ADAMTS10: variants seen among roughly 807,000 people sequenced by gnomAD.
ADAMTS10 encodes ADAM metallopeptidase with thrombospondin type 1 motif 10, also known as A disintegrin and metalloproteinase with thrombospondin motifs 10.
In ADAMTS10, 48 loss-of-function variants were observed where a neutral mutation model predicts 135.9. That is an observed-to-expected ratio of 0.35 (90% confidence interval 0.28 to 0.45). ADAMTS10 has a LOEUF of 0.45. Among genes scored for constraint, ADAMTS10 ranks in the 20% least tolerant of loss-of-function variants. The pLI is 1.00. For synonymous variants in ADAMTS10, 621 were observed against 647.5 expected, an observed-to-expected ratio of 0.96 and a Z score of 0.62; for missense variants, 1,131 against 1,565.2, an observed-to-expected ratio of 0.72 and a Z score of 4.68.
Position 8,601,568 on chromosome 19 carries a change from GC to G in ADAMTS10, c.593-424del, listed in dbSNP as rs2042670622. ...ATTGAGACTGCATTTCACCATGTTG[GC>G]CAGGCTGGTCTCGAACTCCTGACCT... On this transcript the variant is annotated intron_variant, in intron 5 of 25. Transcript: ENST00000597188. This position sits in a 1 kb window ranked among gnomAD's most constrained non-coding sequence, Gnocchi z 4.6. Among the ~76,000 whole-genome samples, 1 of 151,836 alleles carries G rather than the reference GC, an allele frequency of 6.6e-6. No homozygotes were observed. Among genetic ancestry groups the G allele is most frequent in the Non-Finnish European group, 1.5e-5 (1 of 67,946 alleles).
In ADAMTS10 at chr19:8,595,667, C is replaced by T. The variant is rs542877031; in HGVS notation, c.1479+95G>A. 34 of 1,535,910 alleles carry T rather than the reference C, an allele frequency of 2.2e-5. No individual in the cohort carries two copies. The South Asian group carries it at 3.4e-4, about 15-fold the overall frequency. Reference sequence around the variant, plus strand: ...CCCCCCTTCCCGGTTCTCCCACCCCCTCACTTCCCAGGTGGGTGCCCTGGT... The same window carrying T: ...CCCCCCTTCCCGGTTCTCCCACCCCTTCACTTCCCAGGTGGGTGCCCTGGT... On this transcript the variant is annotated intron_variant, in intron 12 of 25. Transcript: ENST00000597188.
chr19:8,600,778 G>C, intron 6 of ADAMTS10, 150 bp downstream of exon 6: 1 of 935,802 alleles, frequency 1.1e-6, no homozygotes, highest in Non-Finnish European at 1.6e-6. Flanking sequence ...GATTACAGGT[G>C]TGAGCCACCG....
At position 8,589,719 on chromosome 19, in the gene ADAMTS10, G is replaced by T. The variant is rs191096664; in HGVS notation, c.1901-134C>A. ...GGCAGCTTGGGCAGAGGGAGTGGGG[G>T]CTCCCAGCGTCACGTTGAACCCCCA... On this transcript the variant is annotated intron_variant, in intron 16 of 25. Transcript: ENST00000597188. 8.2e-6 allele frequency: 12 copies of T among 1,468,824 alleles called. No individual in the cohort carries two copies. The African/African-American group carries it at 1.4e-4, about 17-fold the overall frequency. 91.0% of individuals were successfully genotyped at this position (1,468,824 alleles called of 1,614,324 possible). A position where few individuals can be genotyped will look rare whatever the true frequency, so the allele number is the denominator to read the frequency against.
chr19:8,592,257 T>A, intron 13 of ADAMTS10, 154 bp from the exon 14 acceptor site: 4 of 1,436,986 alleles, frequency 2.8e-6, no homozygotes, highest in Non-Finnish European at 3.7e-6. Context: ...TCAGGTTACG[T>A]AGGAGAGTGG....
At chr19:8,581,977 G>A (rs1413821074) in intron 25 of ADAMTS10, among the ~76,000 whole-genome samples, 1 of 152,082 alleles carries the variant, frequency 6.6e-6, no homozygotes, top group Non-Finnish European at 1.5e-5. Context: ...GCTGCAGTGA[G>A]CTATGATGGC....
chr19:8,603,933 G>A, intron 4 of ADAMTS10, 49 bp from the exon 5 acceptor site: 3 of 1,549,486 alleles, frequency 1.9e-6, no homozygotes, highest in Non-Finnish European at 1.7e-6. Context: ...AGGTTCTGGA[G>A]CTTAGGACCC....
At chr19:8,585,385 C>G in intron 23 of ADAMTS10, 71 bp downstream of exon 23, 7 of 1,535,600 alleles carry the variant, frequency 4.6e-6, no homozygotes, top group Non-Finnish European at 6.1e-6. Context: ...AACCTGGAGA[C>G]CGCGCAGAGG....
intron 12 of ADAMTS10, chr19:8,593,590 G>A (rs1390654182): frequency 6.6e-6 from 1 of 152,460 alleles, no homozygotes; most frequent in Non-Finnish European, 1.5e-5. Flanking sequence ...TCTGAATCCT[G>A]GATGGGCTGA....
At chr19:8,586,080 C>T (rs1372563583) in intron 22 of ADAMTS10, 42 bp downstream of exon 22, 1 of 1,611,656 alleles carries the variant, frequency 6.2e-7, no homozygotes, top group Non-Finnish European at 8.5e-7. Flanking sequence ...AGGGAGTACT[C>T]TCCTCTCACC....
chr19:8,606,463 G>A (rs1555742628), intron 2 of ADAMTS10, among the ~76,000 whole-genome samples: 4 of 152,076 alleles, frequency 2.6e-5, no homozygotes, highest in African/African-American at 9.7e-5. Context: ...GTGCAATGGC[G>A]CAATCGCGGC....
intron 25 of ADAMTS10, chr19:8,582,523 G>A (rs2042367186): frequency 1.3e-5 from 2 of 152,272 alleles, no homozygotes; most frequent in Non-Finnish European, 2.9e-5. Flanking sequence ...AGTCCCAGCT[G>A]AGTGGGTGAG....
At position 8,585,472 on chromosome 19, in the gene ADAMTS10, G is replaced by A; in HGVS notation, c.2849C>T (p.Ala950Val). 6.5e-7 allele frequency: 1 copy of A among 1,535,944 alleles called. No homozygotes were observed. The highest frequency in any genetic ancestry group is 8.8e-7 in the Non-Finnish European group (1 of 1,139,648). Reference protein sequence around the residue: ...HGPTCPPEWAALDWSECTPSC... With the variant: ...HGPTCPPEWAVLDWSECTPSC... ...GCGGCTGACCTCAGACCAGTCGAGGGCCGCCCACTCCGGAGGGCAAGTGGG... is the reference window on the plus strand; with the variant it reads ...GCGGCTGACCTCAGACCAGTCGAGGACCGCCCACTCCGGAGGGCAAGTGGG... The change falls in exon 23 of 26, where the codon GCC becomes GTC. Residue 950 changes from alanine (A) to valine (V), a missense_variant. Physicochemically the swap from Ala to Val is moderately conservative, Grantham distance 64 (BLOSUM62 0). This residue lies in a region of ADAMTS10 where 745 missense variants were observed against 1,056.3 expected (regional missense o/e 0.71). Coordinates refer to ENST00000597188, the MANE Select transcript of ADAMTS10 (RefSeq NM_030957.4).
In ADAMTS10 at chr19:8,601,437, C is replaced by A. The variant is rs1468413647; in HGVS notation, c.593-292G>T. ...ACTGCAGTGGTGCGATCTTGGCTCA[C>A]TGAAACCTCTGCCTCCCAGGTTCAA... On this transcript the variant is annotated intron_variant, in intron 5 of 25. Coordinates refer to ENST00000597188, the MANE Select transcript of ADAMTS10 (RefSeq NM_030957.4). This position sits in a 1 kb window ranked among gnomAD's most constrained non-coding sequence, Gnocchi z 4.6. Among the ~76,000 whole-genome samples, 2 of 150,952 alleles carry A rather than the reference C, an allele frequency of 1.3e-5. No individual in the cohort carries two copies. The highest frequency in any genetic ancestry group is 3.9e-4 in the East Asian group (2 of 5,138).
Position 8,585,206 on chromosome 19 carries a change from T to G in ADAMTS10, c.2968A>C (p.Lys990Gln). The stretch of plus-strand genomic sequence containing the variant: ...TTGCAGCGCATGGTGGCCGGTGGCT[T>G]GGCGGCGGGTGAGCAGTGCGCCGGG... ...LPPAHCSPAA[K>Q]PPATMRCNLR... is the part of the protein sequence containing the mutation. The change falls in exon 24 of 26, where the codon AAG becomes CAG. Residue 990 changes from lysine to glutamine, a missense_variant. Lys to Gln is a moderately conservative substitution (Grantham distance 53). Coordinates refer to ENST00000597188, the MANE Select transcript of ADAMTS10 (RefSeq NM_030957.4). The G allele has an allele frequency of 7.0e-7, 1 of 1,419,520 alleles. No homozygotes were observed. Among genetic ancestry groups the G allele is most frequent in the South Asian group, 1.5e-5 (1 of 66,918 alleles). The allele number at this position is 1,419,520 out of a possible 1,614,324, so 87.9% of individuals were successfully genotyped here.
Position 8,605,480 on chromosome 19 carries a change from G to T in ADAMTS10, c.89-122C>A. 1.4e-6 allele frequency: 2 copies of T among 1,464,588 alleles called. No individual in the cohort carries two copies. Among genetic ancestry groups the T allele is most frequent in the Non-Finnish European group, 1.9e-6 (2 of 1,077,954 alleles). 90.7% of individuals were successfully genotyped at this position (1,464,588 alleles called of 1,614,324 possible). A position where few individuals can be genotyped will look rare whatever the true frequency, so the allele number is the denominator to read the frequency against. On this transcript the variant is annotated intron_variant, in intron 3 of 25. Transcript: ENST00000597188. This position sits in a 1 kb window ranked among gnomAD's most constrained non-coding sequence, Gnocchi z 7.7. ...CTGACCCCCGAAATCCAGGGAGTTG[G>T]CTGCAAGGCTCCCGCCTATTGACCC...
Position 8,586,130 on chromosome 19 carries a change from G to A in ADAMTS10, c.2652C>T (p.Cys884=), listed in dbSNP as rs782279191. ...KRQRACNTEP[C]PPDWVVGNWS... is the part of the protein sequence containing the mutation. ...CCCCTGGCGGCACTCACTCTGGAGG[G>A]CAAGGCTCCGTGTTGCAGGCGCGCT... The change falls in exon 22 of 26, where the codon TGC becomes TGT. Residue 884 remains cysteine, a synonymous_variant. Transcript: ENST00000597188. The A allele has an allele frequency of 2.5e-6, 4 of 1,613,022 alleles. No individual in the cohort carries two copies. The highest frequency in any genetic ancestry group is 3.3e-5 in the Admixed American group (2 of 59,998).
Position 8,605,818 on chromosome 19 carries a change from G to A in ADAMTS10, c.-99-9C>T. The A allele has an allele frequency of 6.6e-7, 1 of 1,509,826 alleles. No individual in the cohort carries two copies. The highest frequency in any genetic ancestry group is 1.2e-5 in the South Asian group (1 of 81,650). 93.5% of individuals were successfully genotyped at this position (1,509,826 alleles called of 1,614,324 possible). On this transcript the variant is annotated splice_polypyrimidine_tract_variant and intron_variant, in intron 2 of 25. Transcript: ENST00000597188. The surrounding 1 kb of genome is among the most constrained non-coding windows in gnomAD (Gnocchi z 7.7). ...GCAGCATCACCGGGCTCCTGGGAGG[G>A]GGGAGCCAGGTAAGGGGGCGCCTGG...
At chr19:8,583,079 C>A (rs574109041) in intron 25 of ADAMTS10, among the ~76,000 whole-genome samples, 1 of 152,104 alleles carries the variant, frequency 6.6e-6, no homozygotes, top group Non-Finnish European at 1.5e-5. Flanking sequence ...CCACCTCGCC[C>A]GGCCTGGGTG....
rs533871818 is a variant in ADAMTS10 at position 8,608,615 on chromosome 19, CT to C, written c.-214-368del. Among the ~76,000 whole-genome samples the C allele has an allele frequency of 1.4e-3, 217 of 152,218 alleles. 1 individual carries two copies. Among genetic ancestry groups the C allele is most frequent in the Non-Finnish European group, 2.5e-3 (169 of 67,986 alleles). On this transcript the variant is annotated intron_variant, in intron 1 of 25. Coordinates refer to ENST00000597188, the MANE Select transcript of ADAMTS10 (RefSeq NM_030957.4). The stretch of plus-strand genomic sequence containing the variant: ...CTCACCCCTTTCTCCCACTGGCTCC[CT>C]CCCTCCTCTCCTGTTCTTGCATTGC...
Sources: allele counts gnomAD v4.1 joint callset (sites outside exome capture counted in the v4.1 genomes callset), GRCh38; gene constraint gnomAD v4.1.1; regional missense constraint gnomAD v4.1.1; non-coding constraint Gnocchi (gnomAD v3.1); transcripts MANE v1.5; gene names NCBI Gene and HGNC (gene_info 2026-07-23, HGNC 2026-07-21).